MYZAP: variants seen among roughly 807,000 people sequenced by gnomAD.
The protein encoded by MYZAP is myocardial zonula adherens protein.
Under a neutral mutation model 69.4 loss-of-function variants are expected in MYZAP, and 66 were observed. The observed-to-expected ratio is 0.95, with a 90% CI of 0.78 to 1.17. MYZAP has a LOEUF of 1.17. Among genes scored for constraint, MYZAP ranks in the 50% most tolerant of loss-of-function variants. The pLI is 0.00. For synonymous variants in MYZAP, 256 were observed against 205.9 expected (o/e 1.24, Z -2.09); for missense variants, 611 against 556.2 (o/e 1.10, Z -0.99).
chr15:57,682,467 A>T (rs1430343605), intron 12 of MYZAP, among the ~76,000 whole-genome samples: 1 of 152,172 alleles, frequency 6.6e-6, no homozygotes, highest in Non-Finnish European at 1.5e-5. Flanking sequence ...CTTCCCATCA[A>T]GTGCTTCCGT....
At chr15:57,592,325 T>C (rs888610925) in intron 1 of MYZAP, among the ~76,000 whole-genome samples, 4 of 152,152 alleles carry the variant, frequency 2.6e-5, no homozygotes, top group Non-Finnish European at 5.9e-5. Context: ...TTAGGGGACT[T>C]TATGGAATTC....
intron 2 of MYZAP, among the ~76,000 whole-genome samples, chr15:57,616,884 T>G (rs144384453): frequency 7.0e-6 from 1 of 142,602 alleles, no homozygotes; most frequent in Non-Finnish European, 1.5e-5. Flanking sequence ...TAAAGGCAGT[T>G]GAAAAGTTAG....
intron 2 of MYZAP, among the ~76,000 whole-genome samples, chr15:57,613,901 T>TA (rs35932470): frequency 0.011 from 1,689 of 149,748 alleles, 14 homozygotes; most frequent in Middle Eastern, 0.02. Flanking sequence ...CTCTTCTGCC[T>TA]AAAAATCAAT....
At chr15:57,682,778 C>T (rs2039508456) in intron 12 of MYZAP, among the ~76,000 whole-genome samples, 1 of 152,182 alleles carries the variant, frequency 6.6e-6, no homozygotes, top group South Asian at 2.1e-4. Context: ...TGCAGTTCCA[C>T]ATCCACAAAC....
intron 1 of MYZAP, among the ~76,000 whole-genome samples, chr15:57,596,858 C>T (rs528535254): frequency 2.0e-5 from 3 of 152,282 alleles, no homozygotes; most frequent in East Asian, 1.9e-4. Context: ...GAAGCCTGCC[C>T]TGAAACCTCA....
chr15:57,614,786 A>G (rs2035326165), intron 2 of MYZAP, among the ~76,000 whole-genome samples: 1 of 152,162 alleles, frequency 6.6e-6, no homozygotes, highest in Non-Finnish European at 1.5e-5. Context: ...TGAAAAAAGA[A>G]CTCCAATTTG....
At chr15:57,616,822 C>CTTTTTTTGTTTTTTTTTTTTT (rs2035486817) in intron 2 of MYZAP, among the ~76,000 whole-genome samples, 2 of 50,058 alleles carry the variant, frequency 4.0e-5, no homozygotes, top group Non-Finnish European at 6.9e-5. Context: ...AAAAAAAGTG[C>CTTTTTTTGTTTTTTTTTTTTT]TTTTTTTTTT....
chr15:57,647,579 C>T, intron 10 of MYZAP: 1 of 985,372 alleles, frequency 1.0e-6, no homozygotes, highest in Non-Finnish European at 1.2e-6. Context: ...GGGTGGTGTG[C>T]TTTCTTCTGC....
At chr15:57,661,244 G>A (rs1381795444) in intron 10 of MYZAP, among the ~76,000 whole-genome samples, 1 of 152,068 alleles carries the variant, frequency 6.6e-6, no homozygotes, top group South Asian at 2.1e-4. Context: ...GTCTTGGAGC[G>A]TCTCGCGTTA....
At chr15:57,652,372 T>C (rs2037771367) in intron 10 of MYZAP, among the ~76,000 whole-genome samples, 1 of 152,228 alleles carries the variant, frequency 6.6e-6, no homozygotes. Context: ...TCTCTATGCA[T>C]TATTTTTTTT....
intron 10 of MYZAP, among the ~76,000 whole-genome samples, chr15:57,657,783 G>A (rs185548974): frequency 6.6e-6 from 1 of 152,206 alleles, no homozygotes; most frequent in East Asian, 1.9e-4. Context: ...GGGATTAGTG[G>A]ATCAAAGGGT....
rs112930920 is a variant in MYZAP at position 57,653,158 on chromosome 15, C to T, written c.1120-8292C>T. On this transcript the variant is annotated intron_variant, in intron 10 of 12. Coordinates refer to ENST00000267853, the MANE Select transcript of MYZAP (RefSeq NM_001018100.5). ...TTTATTAACCTGTGGTTGAGTTTTG[C>T]GATGTGTGCAAGTACACACAGCCCC... 8.8e-3 allele frequency among the ~76,000 whole-genome samples: 1,344 copies of T among 151,934 alleles called. 11 individuals are homozygous for T. The highest frequency in any genetic ancestry group is 0.027 in the Middle Eastern group (8 of 294).
chr15:57,618,242 A>G (rs1007556979), intron 3 of MYZAP, 54 bp downstream of exon 3: 26 of 1,589,332 alleles, frequency 1.6e-5, no homozygotes, highest in African/African-American at 2.7e-5. Flanking sequence ...GTAGCATGCA[A>G]GAGAATGGAG....
chr15:57,637,816 T>C (rs749255427), intron 9 of MYZAP, 42 bp downstream of exon 9: 4 of 1,567,954 alleles, frequency 2.6e-6, no homozygotes, highest in African/African-American at 1.4e-5. Flanking sequence ...ATTTAGGTTG[T>C]GGACACGCTG....
intron 10 of MYZAP, among the ~76,000 whole-genome samples, chr15:57,658,270 C>T: frequency 6.6e-6 from 1 of 152,144 alleles, no homozygotes; most frequent in East Asian, 1.9e-4. Flanking sequence ...CCCAGACATT[C>T]TGCATATGTT....
chr15:57,675,422 G>T (rs1262743211), intron 12 of MYZAP, among the ~76,000 whole-genome samples: 1 of 152,150 alleles, frequency 6.6e-6, no homozygotes, highest in African/African-American at 2.4e-5. Context: ...TTTGGTTCCT[G>T]CCCCAGAGTA....
intron 3 of MYZAP, among the ~76,000 whole-genome samples, chr15:57,619,077 G>T (rs112746519): frequency 6.6e-6 from 1 of 152,160 alleles, no homozygotes; most frequent in African/African-American, 2.4e-5. Context: ...AGATTGTGGG[G>T]GTTGGCTGGG....
chr15:57,618,924 G>A (rs1303647019), intron 3 of MYZAP, among the ~76,000 whole-genome samples: 1 of 152,182 alleles, frequency 6.6e-6, no homozygotes, highest in East Asian at 1.9e-4. Context: ...CAGACCAGTG[G>A]CTTAGAAAGT....
At chr15:57,614,818 G>A (rs1469101047) in intron 2 of MYZAP, among the ~76,000 whole-genome samples, 2 of 152,210 alleles carry the variant, frequency 1.3e-5, no homozygotes, top group Non-Finnish European at 2.9e-5. Context: ...GCAGGCACTT[G>A]CAGGCTGTTA....
Sources: allele counts gnomAD v4.1 joint callset (sites outside exome capture counted in the v4.1 genomes callset), GRCh38; gene constraint gnomAD v4.1.1; transcripts MANE v1.5; gene names NCBI Gene and HGNC (gene_info 2026-07-23, HGNC 2026-07-21).